The following KIRREL3 variants were observed in gnomAD, a reference collection of about 807,000 sequenced individuals.
The protein encoded by KIRREL3 is kirre like nephrin family adhesion molecule 3.
KIRREL3 carries 36 observed loss-of-function variants against 89.7 expected under a neutral mutation model. The observed-to-expected ratio is 0.40, with a 90% CI of 0.31 to 0.53. The LOEUF is 0.53. Among genes scored for constraint, KIRREL3 ranks in the 20% least tolerant of loss-of-function variants. The pLI, the probability that KIRREL3 is intolerant of heterozygous loss-of-function variation, is 0.49. For synonymous variants in KIRREL3, 445 were observed against 441.4 expected (o/e 1.01, Z -0.10); for missense variants, 864 against 1,056.6 (o/e 0.82, Z 2.53).
intron 1 of KIRREL3, among the ~76,000 whole-genome samples, chr11:126,868,473 G>A (rs1337962657): frequency 6.6e-6 from 1 of 152,130 alleles, no homozygotes; most frequent in East Asian, 1.9e-4. Flanking sequence ...AATTGCCCCT[G>A]ATTCACAGCC....
In KIRREL3 at chr11:126,993,754, G is replaced by A. The variant is rs1591440586; in HGVS notation, c.55+6701C>T. On this transcript the variant is annotated intron_variant, in intron 1 of 16. Transcript: ENST00000525144. This position sits in a 1 kb window ranked among gnomAD's most constrained non-coding sequence, Gnocchi z 6.1. ...AAATGGTATTTGATCACAAAGGAAGGAGCAGCATATTTCACCCACTGAGAC... is the reference window on the plus strand; with the variant it reads ...AAATGGTATTTGATCACAAAGGAAGAAGCAGCATATTTCACCCACTGAGAC... Among the ~76,000 whole-genome samples, 1 of 152,282 alleles carries A rather than the reference G, an allele frequency of 6.6e-6. No individual in the cohort carries two copies. Among genetic ancestry groups the A allele is most frequent in the East Asian group, 1.9e-4 (1 of 5,178 alleles).
chr11:126,466,869 G>T (rs1293796479), intron 5 of KIRREL3, among the ~76,000 whole-genome samples: 1 of 152,240 alleles, frequency 6.6e-6, no homozygotes, highest in Non-Finnish European at 1.5e-5. Context: ...AAGGAAGTGA[G>T]TTATTCATGG....
intron 1 of KIRREL3, among the ~76,000 whole-genome samples, chr11:126,939,768 T>G (rs1251313606): frequency 6.6e-6 from 1 of 152,188 alleles, no homozygotes; most frequent in Non-Finnish European, 1.5e-5. Flanking sequence ...CATTTCTACT[T>G]TATATGAAAC....
At chr11:126,470,817 C>T (rs867024912) in intron 5 of KIRREL3, among the ~76,000 whole-genome samples, 1 of 152,186 alleles carries the variant, frequency 6.6e-6, no homozygotes, top group African/African-American at 2.4e-5. Context: ...GCCCACTCCA[C>T]CACTGAGAAG....
rs536642480 is a variant in KIRREL3, at chr11:126,795,865, T to G, written c.55+204590A>C. Among the ~76,000 whole-genome samples, 3 of 152,256 alleles carry G rather than the reference T, an allele frequency of 2.0e-5. No homozygotes were observed. In the South Asian group the frequency reaches 6.2e-4, roughly 32 times the overall value. On this transcript the variant is annotated intron_variant, in intron 1 of 16. Coordinates refer to ENST00000525144, the MANE Select transcript of KIRREL3 (RefSeq NM_032531.4). The surrounding 1 kb of genome is among the most constrained non-coding windows in gnomAD (Gnocchi z 4.1). ...TTTGGAGGGGCATGTAGATACCCCA[T>G]GCCAGGCCAGCCTCCGTACTGCCAG... is the stretch of plus-strand genomic sequence containing the variant.
rs1284606781 is a variant in KIRREL3 at position 126,440,540 on chromosome 11, A to G, written c.1262T>C (p.Ile421Thr). The G allele has an allele frequency of 1.1e-5, 18 of 1,598,396 alleles. No individual in the cohort carries two copies. Among genetic ancestry groups the G allele is most frequent in the Admixed American group, 1.7e-5 (1 of 57,784 alleles). ...GTGCTGGGTCTGGGTGCTGGAGATG[A>G]TGGGGGGTCCTGTTGAGAAACAGCG... ...EVTLTVNGPP[I>T]ISSTQTQHAL... Residue 421 changes from isoleucine to threonine, a missense_variant, in exon 11 of 17, where the codon ATC becomes ACC. By Grantham distance (89) the Ile-to-Thr change is moderately conservative. Coordinates refer to ENST00000525144, the MANE Select transcript of KIRREL3 (RefSeq NM_032531.4).
chr11:126,591,016 A>C (rs1234401748), intron 1 of KIRREL3, among the ~76,000 whole-genome samples: 1 of 152,226 alleles, frequency 6.6e-6, no homozygotes, highest in Non-Finnish European at 1.5e-5. Context: ...ACTTGAGCCC[A>C]GGAGTTTGAG....
intron 2 of KIRREL3, among the ~76,000 whole-genome samples, chr11:126,554,078 G>A (rs1024667644): frequency 9.2e-5 from 14 of 152,136 alleles, no homozygotes; most frequent in Non-Finnish European, 2.1e-4. Context: ...TCTAGGGGGA[G>A]AAGAAGCTCC....
intron 1 of KIRREL3, among the ~76,000 whole-genome samples, chr11:126,836,921 T>A (rs1943801293): frequency 6.6e-6 from 1 of 152,198 alleles, no homozygotes; most frequent in African/African-American, 2.4e-5. Context: ...TGCTGCCTTC[T>A]AACAGAACCT....
intron 1 of KIRREL3, among the ~76,000 whole-genome samples, chr11:126,982,808 CTGT>C (rs2135252046): frequency 6.6e-6 from 1 of 152,336 alleles, no homozygotes; most frequent in African/African-American, 2.4e-5. Flanking sequence ...TTCTTTCACA[CTGT>C]TGTTGTTGCT....
intron 1 of KIRREL3, among the ~76,000 whole-genome samples, chr11:126,889,836 T>A (rs908452681): frequency 1.3e-5 from 2 of 152,210 alleles, no homozygotes; most frequent in African/African-American, 2.4e-5. Flanking sequence ...TAGCTTTTTT[T>A]AAAAATCAAG....
intron 1 of KIRREL3, among the ~76,000 whole-genome samples, chr11:126,786,710 C>T (rs1042950780): frequency 2.0e-5 from 3 of 152,182 alleles, no homozygotes; most frequent in African/African-American, 7.2e-5. Flanking sequence ...CTGCTCACAG[C>T]CTGGCAGCCC....
rs1441031897 is a variant in KIRREL3, at chr11:126,812,581, T to C, written c.55+187874A>G. Among the ~76,000 whole-genome samples, 1 of 152,162 alleles carries C rather than the reference T, an allele frequency of 6.6e-6. No individual in the cohort carries two copies. The highest frequency in any genetic ancestry group is 1.5e-5 in the Non-Finnish European group (1 of 68,026). ...GGCACTTCACAAATGCTAACAACAA[T>C]TTGACAACTAGATTGCAAGCTGTAG... is the stretch of plus-strand genomic sequence containing the variant. On this transcript the variant is annotated intron_variant, in intron 1 of 16. Transcript: ENST00000525144. The surrounding 1 kb of genome is among the most constrained non-coding windows in gnomAD (Gnocchi z 5.2).
intron 1 of KIRREL3, among the ~76,000 whole-genome samples, chr11:126,580,702 A>G (rs1941496975): frequency 6.6e-6 from 1 of 152,130 alleles, no homozygotes; most frequent in Non-Finnish European, 1.5e-5. Flanking sequence ...AAGCAGGGCC[A>G]CGTGTGGGCC....
In KIRREL3 at chr11:126,431,538, A is replaced by C. The variant is rs750894018; in HGVS notation, c.1589-12T>G. The C allele has an allele frequency of 6.2e-7, 1 of 1,611,524 alleles. No homozygotes were observed. Among genetic ancestry groups the C allele is most frequent in the Non-Finnish European group, 8.5e-7 (1 of 1,178,230 alleles). Reference sequence around the variant, plus strand: ...CATCGGCACAGACTCTGTGGGAGAGAAGCGGGCACAGCTGATGACGGATGG... The same window carrying C: ...CATCGGCACAGACTCTGTGGGAGAGCAGCGGGCACAGCTGATGACGGATGG... On this transcript the variant is annotated splice_polypyrimidine_tract_variant and intron_variant, in intron 13 of 16. Transcript: ENST00000525144. The surrounding 1 kb of genome is among the most constrained non-coding windows in gnomAD (Gnocchi z 7.1).
rs567776786 is a variant in KIRREL3, at chr11:126,771,460, C to T, written c.56-208548G>A. On this transcript the variant is annotated intron_variant, in intron 1 of 16. Coordinates refer to ENST00000525144, the MANE Select transcript of KIRREL3 (RefSeq NM_032531.4). The surrounding 1 kb of genome is among the most constrained non-coding windows in gnomAD (Gnocchi z 4.4). The stretch of plus-strand genomic sequence containing the variant: ...AAGCTGTTATTAATTATCCATTTAT[C>T]TGATAATTTCTTTGCATCTTTTTTG... 6.8e-4 allele frequency among the ~76,000 whole-genome samples: 103 copies of T among 152,314 alleles called. No individual in the cohort carries two copies. Among genetic ancestry groups the T allele is most frequent in the African/African-American group, 2.1e-3 (86 of 41,578 alleles).
chr11:126,494,957 A>C (rs1957616740), intron 4 of KIRREL3, among the ~76,000 whole-genome samples: 1 of 152,176 alleles, frequency 6.6e-6, no homozygotes, highest in Non-Finnish European at 1.5e-5. Flanking sequence ...TGGGACGGGG[A>C]GAAGCGGGTG....
At chr11:126,457,645 A>C (rs1296693994) in intron 6 of KIRREL3, among the ~76,000 whole-genome samples, 1 of 152,072 alleles carries the variant, frequency 6.6e-6, no homozygotes, top group Non-Finnish European at 1.5e-5. Context: ...GGGCGAGAAA[A>C]AGAGAAATCT....
At chr11:126,716,198 G>T (rs534543552) in intron 1 of KIRREL3, among the ~76,000 whole-genome samples, 1 of 152,188 alleles carries the variant, frequency 6.6e-6, no homozygotes, top group East Asian at 1.9e-4. Flanking sequence ...TTGGGAAGGA[G>T]AGGGAGGCGG....
Sources: gnomAD v4.1 joint callset for allele counts (sites outside exome capture counted in the v4.1 genomes callset) on GRCh38, gnomAD v4.1.1 for gene constraint, Gnocchi (gnomAD v3.1) non-coding constraint, MANE v1.5 for transcripts, NCBI Gene and HGNC (gene_info 2026-07-23, HGNC 2026-07-21) for gene names.